Variants in PLCL1 observed in about 807,000 individuals in gnomAD.
PLCL1 encodes the protein phospholipase C like 1 (inactive), also known as inactive phospholipase C-like protein 1.
PLCL1 carries 41 observed loss-of-function variants against 84.4 expected under a neutral mutation model. The ratio of observed to expected loss-of-function variants is 0.49; its 90% CI spans 0.38 to 0.63. The LOEUF is 0.63. Ranked by LOEUF, PLCL1 falls within the 30% of genes least tolerant of loss-of-function variation. The probability of loss-of-function intolerance (pLI) is 0.00; values close to 1 mark genes in which losing one functional copy is unlikely to be tolerated. For synonymous variants in PLCL1, 490 were observed against 488.3 expected (o/e 1.00, Z -0.05); for missense variants, 1,206 against 1,367.8 (o/e 0.88, Z 1.87).
At chr2:198,087,185 T>C (rs1458257706) in intron 2 of PLCL1, among the ~76,000 whole-genome samples, 1 of 152,196 alleles carries the variant, frequency 6.6e-6, no homozygotes, top group Non-Finnish European at 1.5e-5. Context: ...ATTTCAGGTC[T>C]CTGATCATCA....
intron 1 of PLCL1, among the ~76,000 whole-genome samples, chr2:197,902,326 AAC>A (rs947077089): frequency 1.1e-4 from 17 of 152,158 alleles, no homozygotes; most frequent in African/African-American, 3.6e-4. Context: ...GGTTTTTCAG[AAC>A]CAGAAGTTAG....
intron 1 of PLCL1, among the ~76,000 whole-genome samples, chr2:197,905,939 T>A (rs879316859): frequency 1.1e-4 from 16 of 152,206 alleles, no homozygotes; most frequent in Non-Finnish European, 1.8e-4. Context: ...TAAATTTGTT[T>A]AAGTTCTTTG....
At chr2:197,903,538 C>G (rs938752070) in intron 1 of PLCL1, among the ~76,000 whole-genome samples, 2 of 115,786 alleles carry the variant, frequency 1.7e-5, no homozygotes, top group African/African-American at 6.7e-5. Flanking sequence ...GGCTGGAGTG[C>G]AGTGGCGAGA....
intron 1 of PLCL1, among the ~76,000 whole-genome samples, chr2:197,913,062 T>C (rs1470329686): frequency 1.3e-5 from 2 of 152,080 alleles, no homozygotes; most frequent in Non-Finnish European, 2.9e-5. Flanking sequence ...CTGAAATATG[T>C]AGAGATAAAA....
chr2:197,924,326 T>C (rs1308726296), intron 1 of PLCL1, among the ~76,000 whole-genome samples: 2 of 152,160 alleles, frequency 1.3e-5, no homozygotes, highest in East Asian at 3.8e-4. Context: ...GATTGATAAA[T>C]TCTTAATTGA....
intron 1 of PLCL1, among the ~76,000 whole-genome samples, chr2:197,955,503 G>A (rs543223983): frequency 1.3e-5 from 2 of 151,080 alleles, no homozygotes; most frequent in Middle Eastern, 3.5e-3. Flanking sequence ...GTGTACCATG[G>A]TGGTTTGCTG....
chr2:197,985,120 C>T (rs574627760), intron 1 of PLCL1, among the ~76,000 whole-genome samples: 3 of 152,234 alleles, frequency 2.0e-5, no homozygotes, highest in Non-Finnish European at 4.4e-5. Context: ...CAGCTGAATG[C>T]TTTGGTGCAA....
intron 1 of PLCL1, among the ~76,000 whole-genome samples, chr2:197,831,596 T>A (rs1691067971): frequency 6.6e-6 from 1 of 152,152 alleles, no homozygotes; most frequent in African/African-American, 2.4e-5. Flanking sequence ...CCACTGTCCA[T>A]ATTCAACAGA....
intron 5 of PLCL1, among the ~76,000 whole-genome samples, chr2:198,122,934 C>A (rs916502984): frequency 6.6e-6 from 1 of 151,788 alleles, no homozygotes; most frequent in East Asian, 1.9e-4. Flanking sequence ...AGGAGAAAAC[C>A]AAGGGACAGA....
At chr2:197,899,562 C>T (rs1443301126) in intron 1 of PLCL1, among the ~76,000 whole-genome samples, 1 of 151,872 alleles carries the variant, frequency 6.6e-6, no homozygotes, top group Non-Finnish European at 1.5e-5. Context: ...ATAGAGTTTT[C>T]TAACTATCCA....
chr2:198,123,927 C>T (rs1250336542), intron 5 of PLCL1, among the ~76,000 whole-genome samples: 4 of 152,050 alleles, frequency 2.6e-5, no homozygotes, highest in Admixed American at 6.6e-5. Flanking sequence ...AAATTGTATT[C>T]CATGAAACCA....
rs1691052619 is a variant in PLCL1, at chr2:197,831,247, C to T, written c.240+25908C>T. 2.0e-5 allele frequency among the ~76,000 whole-genome samples: 3 copies of T among 152,108 alleles called. No individual in the cohort carries two copies. In the South Asian group the frequency reaches 6.2e-4, roughly 32 times the overall value. On this transcript the variant is annotated intron_variant, in intron 1 of 5. Transcript: ENST00000428675. ...CAAATTGGACCCATCAGTCAAGACC[C>T]ATCAGTGTGCTGTATTCAGGAGACC...
chr2:197,974,463 T>TA (rs1227747706), intron 1 of PLCL1, among the ~76,000 whole-genome samples: 4 of 152,226 alleles, frequency 2.6e-5, no homozygotes, highest in African/African-American at 9.6e-5. Flanking sequence ...GCTTACTACT[T>TA]AGAGTCTTTG....
intron 1 of PLCL1, among the ~76,000 whole-genome samples, chr2:197,909,131 T>C (rs937250627): frequency 6.6e-6 from 1 of 152,210 alleles, no homozygotes; most frequent in African/African-American, 2.4e-5. Flanking sequence ...AGCTCCCTTT[T>C]CTTCCCTTGG....
At chr2:198,070,047 GA>G (rs1692425032) in intron 1 of PLCL1, among the ~76,000 whole-genome samples, 1 of 152,098 alleles carries the variant, frequency 6.6e-6, no homozygotes, top group Non-Finnish European at 1.5e-5. Flanking sequence ...ATCTAGACAT[GA>G]AAATAGAGGG....
At chr2:197,953,863 T>C (rs187077851) in intron 1 of PLCL1, among the ~76,000 whole-genome samples, 11 of 151,930 alleles carry the variant, frequency 7.2e-5, no homozygotes, top group African/African-American at 2.2e-4. Flanking sequence ...TTTTTTTTTT[T>C]CTAAAATATT....
chr2:197,827,655 GT>G (rs1384692448), intron 1 of PLCL1, among the ~76,000 whole-genome samples: 1 of 152,100 alleles, frequency 6.6e-6, no homozygotes. Flanking sequence ...AAATAATTCA[GT>G]GTAGCATTAA....
chr2:198,058,377 G>A (rs975613353), intron 1 of PLCL1, among the ~76,000 whole-genome samples: 1 of 151,914 alleles, frequency 6.6e-6, no homozygotes, highest in Non-Finnish European at 1.5e-5. Flanking sequence ...GGTGTCTACT[G>A]TAAAGGAGGA....
intron 1 of PLCL1, among the ~76,000 whole-genome samples, chr2:197,959,444 T>C (rs544730178): frequency 6.6e-6 from 1 of 152,040 alleles, no homozygotes; most frequent in Admixed American, 6.6e-5. Context: ...GTGAATCCCA[T>C]CCAAAAAATA....
Sources: gnomAD v4.1 joint callset for allele counts (sites outside exome capture counted in the v4.1 genomes callset) on GRCh38, gnomAD v4.1.1 for gene constraint, MANE v1.5 for transcripts, NCBI Gene and HGNC (gene_info 2026-07-23, HGNC 2026-07-21) for gene names.